CFAP161: variants seen among roughly 807,000 people sequenced by gnomAD.
The protein encoded by CFAP161 is cilia and flagella associated protein 161, also known as cilia- and flagella-associated protein 161.
Under a neutral mutation model 29.0 loss-of-function variants are expected in CFAP161, and 25 were observed. The observed-to-expected ratio is 0.86, with a 90% confidence interval of 0.63 to 1.20. The LOEUF is 1.20. Ranked by LOEUF, CFAP161 falls within the 50% of genes most tolerant of loss-of-function variation. The probability of loss-of-function intolerance (pLI) is 0.00; values close to 1 mark genes in which losing one functional copy is unlikely to be tolerated. For synonymous variants in CFAP161, 116 were observed against 137.4 expected (o/e 0.84, Z 1.09); for missense variants, 367 against 371.9 (o/e 0.99, Z 0.11).
intron 1 of CFAP161, among the ~76,000 whole-genome samples, chr15:81,122,213 TCCTTTGAGTGTACCCAGTAA>T: frequency 6.6e-6 from 1 of 152,330 alleles, no homozygotes; most frequent in East Asian, 1.9e-4. Flanking sequence ...TGATTTCTAT[TCCTTTGAGTGTACCCAGTAA>T]TGCGATTGCT....
chr15:81,141,762 G>C (rs1039881120), intron 4 of CFAP161, among the ~76,000 whole-genome samples: 1 of 151,186 alleles, frequency 6.6e-6, no homozygotes, highest in African/African-American at 2.4e-5. Context: ...TCGGCTCACT[G>C]CAGCCTCTGC....
chr15:81,145,276 A>T (rs1006947536), intron 5 of CFAP161, among the ~76,000 whole-genome samples: 5 of 152,126 alleles, frequency 3.3e-5, no homozygotes, highest in Admixed American at 3.3e-4. Context: ...AGGCTTTACA[A>T]ATTATTCTCT....
intron 5 of CFAP161, among the ~76,000 whole-genome samples, chr15:81,144,369 C>T (rs371291780): frequency 3.5e-4 from 54 of 152,256 alleles, no homozygotes; most frequent in African/African-American, 1.2e-3. Context: ...CTAAGGCGGG[C>T]GGATCTTTTG....
In CFAP161 at chr15:81,143,718, C is replaced by T. The variant is rs1894955020; in HGVS notation, c.534C>T (p.Leu178=). 1.2e-6 allele frequency: 2 copies of T among 1,614,068 alleles called. No individual in the cohort carries two copies. The highest frequency in any genetic ancestry group is 8.5e-7 in the Non-Finnish European group (1 of 1,179,984). The change falls in exon 5 of 7, where the codon CTC becomes CTT. Residue 178 remains leucine, a synonymous_variant. Transcript: ENST00000286732. Reference sequence around the variant, plus strand: ...TGAAATCGTCTAAGAGGTCTTGGCTCCAGGAAGTGTACCTAACAGATGAGG... The same window carrying T: ...TGAAATCGTCTAAGAGGTCTTGGCTTCAGGAAGTGTACCTAACAGATGAGG... ...TLLKSSKRSW[L]QEVYLTDEVS...
chr15:81,146,135 C>G (rs918647320), intron 5 of CFAP161, among the ~76,000 whole-genome samples: 3 of 152,148 alleles, frequency 2.0e-5, no homozygotes, highest in African/African-American at 7.2e-5. Flanking sequence ...CCCTCATGAT[C>G]ACAGAGTAGC....
chr15:81,103,568 G>T (rs7167519), intron 1 of CFAP161, among the ~76,000 whole-genome samples: 6,937 of 152,226 alleles, frequency 0.046, 476 homozygotes, highest in African/African-American at 0.15. Flanking sequence ...GGAGGGTGGT[G>T]TGCCCAGGAA....
At chr15:81,101,526 CA>C (rs527465471) in intron 1 of CFAP161, among the ~76,000 whole-genome samples, 53 of 46,106 alleles carry the variant, frequency 1.1e-3, no homozygotes, top group African/African-American at 3.2e-3. Flanking sequence ...GACTCTGTCT[CA>C]AAAAAAAAAA....
intron 1 of CFAP161, among the ~76,000 whole-genome samples, chr15:81,123,302 C>T (rs1010960108): frequency 2.0e-5 from 3 of 152,102 alleles, no homozygotes; most frequent in African/African-American, 7.2e-5. Flanking sequence ...AATGGGCATC[C>T]CCCATTGCTT....
At chr15:81,126,717 T>C (rs1319685106) in intron 1 of CFAP161, among the ~76,000 whole-genome samples, 1 of 152,250 alleles carries the variant, frequency 6.6e-6, no homozygotes, top group Non-Finnish European at 1.5e-5. Flanking sequence ...CAGTTAAGTA[T>C]TTTATCATTG....
intron 1 of CFAP161, among the ~76,000 whole-genome samples, chr15:81,120,578 G>A (rs978359464): frequency 6.6e-6 from 1 of 152,160 alleles, no homozygotes; most frequent in African/African-American, 2.4e-5. Context: ...GACCAGCTCT[G>A]ACAACATAGT....
chr15:81,106,512 CATT>C (rs946644903), intron 1 of CFAP161, among the ~76,000 whole-genome samples: 13 of 152,282 alleles, frequency 8.5e-5, no homozygotes, highest in African/African-American at 3.1e-4. Flanking sequence ...GAAGATGTAT[CATT>C]AGTTCCAGAA....
chr15:81,122,269 G>C (rs542334969), intron 1 of CFAP161, among the ~76,000 whole-genome samples: 22 of 152,178 alleles, frequency 1.4e-4, no homozygotes, highest in African/African-American at 5.3e-4. Context: ...TCTGTCTTTA[G>C]GTCTTTGAGG....
intron 5 of CFAP161, among the ~76,000 whole-genome samples, chr15:81,146,761 G>A (rs1284679461): frequency 1.4e-5 from 2 of 146,852 alleles, no homozygotes; most frequent in African/African-American, 4.9e-5. Flanking sequence ...CTATGTCAAA[G>A]GGAAAGTCAG....
chr15:81,122,215 C>A (rs1894582884), intron 1 of CFAP161, among the ~76,000 whole-genome samples: 1 of 152,030 alleles, frequency 6.6e-6, no homozygotes, highest in South Asian at 2.1e-4. Flanking sequence ...ATTTCTATTC[C>A]TTTGAGTGTA....
At chr15:81,104,674 C>G (rs777470670) in intron 1 of CFAP161, among the ~76,000 whole-genome samples, 4 of 152,114 alleles carry the variant, frequency 2.6e-5, no homozygotes, top group Non-Finnish European at 5.9e-5. Flanking sequence ...TTAAGTTATT[C>G]CAATCTGAAA....
intron 1 of CFAP161, among the ~76,000 whole-genome samples, chr15:81,124,189 C>G (rs914506346): frequency 6.6e-6 from 1 of 152,132 alleles, no homozygotes; most frequent in African/African-American, 2.4e-5. Flanking sequence ...ATATATGGCT[C>G]TTATTATTTT....
At chr15:81,128,388 C>A (rs893454491) in intron 2 of CFAP161, among the ~76,000 whole-genome samples, 1 of 152,198 alleles carries the variant, frequency 6.6e-6, no homozygotes, top group African/African-American at 2.4e-5. Context: ...CCTTTGTTGT[C>A]ATTTCAGCAG....
At chr15:81,099,559 C>T (rs1307022257) in intron 1 of CFAP161, 1 of 152,190 alleles carries the variant, frequency 6.6e-6, no homozygotes, top group Non-Finnish European at 1.5e-5. Context: ...GAATTTTGGT[C>T]CTTTCCTTGG....
At chr15:81,139,815 C>A (rs1294976067) in intron 4 of CFAP161, among the ~76,000 whole-genome samples, 6 of 152,118 alleles carry the variant, frequency 3.9e-5, no homozygotes, top group African/African-American at 1.4e-4. Flanking sequence ...AGTATTGATA[C>A]ATATAAAGAG....
Sources: gnomAD v4.1 joint callset for allele counts (sites outside exome capture counted in the v4.1 genomes callset) on GRCh38, gnomAD v4.1.1 for gene constraint, MANE v1.5 for transcripts, NCBI Gene and HGNC (gene_info 2026-07-23, HGNC 2026-07-21) for gene names.